The following TBC1D31 variants were observed in gnomAD, a reference collection of about 807,000 sequenced individuals.
TBC1D31 encodes TBC1 domain family member 31.
In TBC1D31, 99 loss-of-function variants were observed where a neutral mutation model predicts 132.9. That is an observed-to-expected ratio of 0.74 (90% CI 0.63 to 0.88). The LOEUF is 0.88. TBC1D31 is among the 40% of genes least tolerant of loss of function. The probability of loss-of-function intolerance (pLI) is 0.00; values close to 1 mark genes in which losing one functional copy is unlikely to be tolerated. For synonymous variants in TBC1D31, 385 were observed against 419.4 expected, an observed-to-expected ratio of 0.92 and a Z score of 1.00; for missense variants, 1,134 against 1,256.6, an observed-to-expected ratio of 0.90 and a Z score of 1.48.
At chr8:123,158,018 C>CTTTT in the TBC1D31 span, among the ~76,000 whole-genome samples, 1 of 117,676 alleles carries the variant, frequency 8.5e-6, no homozygotes. Flanking sequence ...TTTTTTCTTC[C>CTTTT]TTTTTTTTTT....
At chr8:123,133,953 G>A (rs139358997) in intron 16 of TBC1D31, among the ~76,000 whole-genome samples, 161 bp from the exon 17 acceptor site, 63 of 152,192 alleles carry the variant, frequency 4.1e-4, no homozygotes, top group Non-Finnish European at 8.2e-4. Flanking sequence ...CCTAGGTTCT[G>A]CAGTGAATAT....
intron 17 of TBC1D31, among the ~76,000 whole-genome samples, chr8:123,138,612 G>A (rs957514734): frequency 2.0e-5 from 3 of 152,098 alleles, no homozygotes; most frequent in African/African-American, 4.8e-5. Flanking sequence ...TGGCAGCCAC[G>A]AAGCTACTTT....
downstream of TBC1D31, among the ~76,000 whole-genome samples, chr8:123,152,606 C>G (rs189720958): frequency 1.3e-5 from 2 of 152,306 alleles, no homozygotes; most frequent in Non-Finnish European, 2.9e-5. Context: ...CGTGGTGGCT[C>G]ACACCTGTAA....
rs185456557 is a variant in TBC1D31 at position 123,087,007 on chromosome 8, A to G, written c.519+2667A>G. ...GCTGGGATTACAGGTGTGAGCCACC[A>G]TGCCCAGCCTGGGCACCTGTTCTGT... On this transcript the variant is annotated intron_variant, in intron 4 of 21. Coordinates refer to ENST00000287380, the MANE Select transcript of TBC1D31 (RefSeq NM_145647.4). Among the ~76,000 whole-genome samples, 895 of 152,318 alleles carry G rather than the reference A, an allele frequency of 5.9e-3. 9 individuals carry two copies. The highest frequency in any genetic ancestry group is 0.021 in the African/African-American group (871 of 41,588).
chr8:123,109,661 A>C (rs750558667), intron 10 of TBC1D31, 41 bp downstream of exon 10: 1 of 1,506,622 alleles, frequency 6.6e-7, no homozygotes, highest in Non-Finnish European at 9.0e-7. Context: ...GAGACCTGTA[A>C]CTAATAATTG....
the TBC1D31 span, among the ~76,000 whole-genome samples, chr8:123,160,349 T>C: frequency 9.9e-5 from 15 of 152,124 alleles, no homozygotes; most frequent in Admixed American, 9.2e-4. Flanking sequence ...TGTTAATCTA[T>C]AAGCTATTTA....
intron 10 of TBC1D31, among the ~76,000 whole-genome samples, chr8:123,116,596 C>T (rs1317994332): frequency 6.6e-6 from 1 of 151,932 alleles, no homozygotes; most frequent in Non-Finnish European, 1.5e-5. Flanking sequence ...GCATATATTG[C>T]CAAGCTCTTT....
At chr8:123,094,820 C>T (rs1447395368) in intron 5 of TBC1D31, among the ~76,000 whole-genome samples, 1 of 152,128 alleles carries the variant, frequency 6.6e-6, no homozygotes, top group Admixed American at 6.5e-5. Flanking sequence ...GGATTACAGG[C>T]GTGAGCCACT....
intron 17 of TBC1D31, among the ~76,000 whole-genome samples, chr8:123,140,112 C>G (rs1821492171): frequency 6.6e-6 from 1 of 152,172 alleles, no homozygotes; most frequent in African/African-American, 2.4e-5. Flanking sequence ...GTAATCCTAG[C>G]ATTTTGGGAG....
chr8:123,156,458 A>AAC (rs1554625766), downstream of TBC1D31, among the ~76,000 whole-genome samples: 12 of 151,656 alleles, frequency 7.9e-5, no homozygotes, highest in African/African-American at 2.7e-4. Flanking sequence ...AAAAAAAAAA[A>AAC]AATACCCCAG....
intron 4 of TBC1D31, among the ~76,000 whole-genome samples, chr8:123,091,686 A>G (rs182541461): frequency 3.7e-4 from 56 of 152,320 alleles, no homozygotes; most frequent in African/African-American, 1.3e-3. Context: ...CTAGTGCATT[A>G]TATATGTGTG....
At chr8:123,090,731 T>TAGACCAGCCTGGCCAACA (rs913470517) in intron 4 of TBC1D31, among the ~76,000 whole-genome samples, 11 of 152,036 alleles carry the variant, frequency 7.2e-5, no homozygotes, top group Non-Finnish European at 1.5e-4. Flanking sequence ...TCAGGAGTTC[T>TAGACCAGCCTGGCCAACA]AGACCAGCCT....
At chr8:123,093,053 C>A (rs1002835875) in intron 4 of TBC1D31, among the ~76,000 whole-genome samples, 3 of 152,068 alleles carry the variant, frequency 2.0e-5, no homozygotes, top group Non-Finnish European at 4.4e-5. Context: ...CTCAGGTGAT[C>A]CACCCGCCTT....
chr8:123,128,504 T>C lies in TBC1D31; in HGVS notation c.2108T>C (p.Leu703Ser). The C allele has an allele frequency of 6.3e-7, 1 of 1,590,372 alleles. No individual in the cohort carries two copies. Among genetic ancestry groups the C allele is most frequent in the Non-Finnish European group, 8.6e-7 (1 of 1,158,824 alleles). The change falls in exon 14 of 22, where the codon TTA (leucine) becomes TCA (serine). Residue 703 changes from leucine (L) to serine (S), a missense_variant. Leu to Ser is a moderately radical substitution (Grantham distance 145). Coordinates refer to ENST00000287380, the MANE Select transcript of TBC1D31 (RefSeq NM_145647.4). ...ATAAGGAATGATGAATTGGATTACT[T>C]AAGAGAGAGGTAATTATGGAATAGT... The part of the protein sequence containing the change: ...ERIRNDELDY[L>S]RERQTVEDMQ...
At chr8:123,109,911 T>C (rs1395972701) in intron 10 of TBC1D31, among the ~76,000 whole-genome samples, 3 of 152,178 alleles carry the variant, frequency 2.0e-5, no homozygotes, top group Non-Finnish European at 4.4e-5. Flanking sequence ...CTGGCCATCA[T>C]GGTGAAACCT....
chr8:123,127,647 G>C (rs1474387045), intron 13 of TBC1D31, among the ~76,000 whole-genome samples: 2 of 152,144 alleles, frequency 1.3e-5, no homozygotes, highest in African/African-American at 4.8e-5. Context: ...GACCCATCTG[G>C]TCTTAGAGGG....
intron 2 of TBC1D31, among the ~76,000 whole-genome samples, chr8:123,078,203 G>T (rs1237782927): frequency 6.6e-6 from 1 of 152,188 alleles, no homozygotes; most frequent in Non-Finnish European, 1.5e-5. Flanking sequence ...TAGCAGAGAG[G>T]CAGAGGGTGT....
chr8:123,078,713 G>C (rs1390884124), intron 2 of TBC1D31, among the ~76,000 whole-genome samples: 1 of 152,188 alleles, frequency 6.6e-6, no homozygotes, highest in Non-Finnish European at 1.5e-5. Flanking sequence ...ACAGTTGCCA[G>C]CTTGAAGGAG....
At position 123,150,134 on chromosome 8, in the gene TBC1D31, T is replaced by G. The variant is rs140674598; in HGVS notation, c.3067+6T>G. 6.2e-7 allele frequency: 1 copy of G among 1,600,408 alleles called. No individual in the cohort carries two copies. The highest frequency in any genetic ancestry group is 1.3e-5 in the African/African-American group (1 of 74,692). On this transcript the variant is annotated splice_donor_region_variant and intron_variant, in intron 21 of 21. Transcript: ENST00000287380. ...AATGGATCCCTCAACACAGAGTAAG[T>G]TGATAAGCAAGAAAATGTTATTCTG...
Sources: gnomAD v4.1 joint callset for allele counts (sites outside exome capture counted in the v4.1 genomes callset) on GRCh38, gnomAD v4.1.1 for gene constraint, MANE v1.5 for transcripts, NCBI Gene and HGNC (gene_info 2026-07-23, HGNC 2026-07-21) for gene names.